Variants in RAPGEF6 observed in about 807,000 individuals in gnomAD.
RAPGEF6 encodes the protein Rap guanine nucleotide exchange factor 6, also known as PDZ domain containing guanine nucleotide exchange factor (GEF) 2.
In RAPGEF6, 56 loss-of-function variants were observed where a neutral mutation model predicts 171.4. The observed-to-expected ratio is 0.33, with a 90% CI of 0.26 to 0.41. The LOEUF is 0.41. Ranked by LOEUF, RAPGEF6 falls within the 10% of genes least tolerant of loss-of-function variation. The pLI is 1.00. For synonymous variants in RAPGEF6, 692 were observed against 650.1 expected (o/e 1.06, Z -0.98); for missense variants, 1,674 against 1,921.4 (o/e 0.87, Z 2.41).
intron 4 of RAPGEF6, among the ~76,000 whole-genome samples, chr5:131,564,184 G>A (rs1211468424): frequency 6.6e-6 from 1 of 152,172 alleles, no homozygotes; most frequent in Non-Finnish European, 1.5e-5. Flanking sequence ...AAGATACTTA[G>A]AATTTGCAAG....
chr5:131,580,523 G>A (rs758535194), intron 4 of RAPGEF6, among the ~76,000 whole-genome samples: 1 of 152,214 alleles, frequency 6.6e-6, no homozygotes, highest in Non-Finnish European at 1.5e-5. Flanking sequence ...AGCGTGGCCA[G>A]AGCAGATGCC....
chr5:131,578,842 T>A (rs1187116046), intron 4 of RAPGEF6, among the ~76,000 whole-genome samples: 1 of 152,214 alleles, frequency 6.6e-6, no homozygotes, highest in East Asian at 1.9e-4. Flanking sequence ...CTACTCTGCA[T>A]CTCACTCAAT....
At chr5:131,625,659 C>T (rs1413916716) in intron 1 of RAPGEF6, among the ~76,000 whole-genome samples, 1 of 151,882 alleles carries the variant, frequency 6.6e-6, no homozygotes, top group Non-Finnish European at 1.5e-5. Context: ...ACTAAAAATA[C>T]AAAAAAATTA....
At chr5:131,428,848 T>C (rs536208063) in intron 27 of RAPGEF6, 54 bp downstream of exon 27, 1 of 1,494,060 alleles carries the variant, frequency 6.7e-7, no homozygotes, top group Non-Finnish European at 9.2e-7. Context: ...GTAAAGACCA[T>C]TTAATGTGTT....
chr5:131,603,254 A>C lies in RAPGEF6; in HGVS notation c.197+17T>G. The C allele has an allele frequency of 6.4e-7, 1 of 1,557,130 alleles. No homozygotes were observed. Among genetic ancestry groups the C allele is most frequent in the Non-Finnish European group, 8.8e-7 (1 of 1,140,856 alleles). ...ACATAAAAGTCATTAGTTTATGTGAATTATGGAAATACTTACCAAAAGAGA... is the reference window on the plus strand; with the variant it reads ...ACATAAAAGTCATTAGTTTATGTGACTTATGGAAATACTTACCAAAAGAGA... On this transcript the variant is annotated intron_variant, in intron 3 of 27. Coordinates refer to ENST00000509018, the MANE Select transcript of RAPGEF6 (RefSeq NM_016340.6).
chr5:131,565,080 A>C (rs1761849674), intron 4 of RAPGEF6, among the ~76,000 whole-genome samples: 1 of 152,146 alleles, frequency 6.6e-6, no homozygotes, highest in Non-Finnish European at 1.5e-5. Context: ...CACTAATATA[A>C]ACTCTCAACT....
intron 1 of RAPGEF6, among the ~76,000 whole-genome samples, chr5:131,609,731 A>G (rs560740878): frequency 6.6e-6 from 1 of 152,372 alleles, no homozygotes; most frequent in South Asian, 2.1e-4. Flanking sequence ...GATAACAAGT[A>G]GACTATATAT....
intron 3 of RAPGEF6, among the ~76,000 whole-genome samples, chr5:131,596,015 G>A (rs2150007205): frequency 6.6e-6 from 1 of 152,118 alleles, no homozygotes; most frequent in Non-Finnish European, 1.5e-5. Flanking sequence ...TTAGCTGGGT[G>A]TGGTGGTACG....
chr5:131,492,958 ATATGAT>A (rs1264525757), intron 13 of RAPGEF6, among the ~76,000 whole-genome samples, 173 bp from the exon 14 acceptor site: 6 of 152,218 alleles, frequency 3.9e-5, no homozygotes, highest in African/African-American at 7.2e-5. Context: ...AGATTTCTAA[ATATGAT>A]TATAAGACTT....
rs1173535177 is a variant in RAPGEF6 at position 131,431,142 on chromosome 5, G to T, written c.4182C>A (p.Thr1394=). ...CTTCAGCAATGGGGTCATCCAAATGGGTATGTCTGTAAGAGTTCAAAAAAT... is the reference window on the plus strand; with the variant it reads ...CTTCAGCAATGGGGTCATCCAAATGTGTATGTCTGTAAGAGTTCAAAAAAT... ...SWDFLNSYRH[T]HLDDPIAEVE... The change falls in exon 26 of 28, where the codon ACC becomes ACA. Residue 1394 remains threonine, a synonymous_variant. Transcript: ENST00000509018. 1 of 1,614,164 alleles carries T rather than the reference G, an allele frequency of 6.2e-7. No individual in the cohort carries two copies. The highest frequency in any genetic ancestry group is 8.5e-7 in the Non-Finnish European group (1 of 1,180,030).
intron 4 of RAPGEF6, among the ~76,000 whole-genome samples, chr5:131,587,331 T>C (rs1028635060): frequency 6.6e-6 from 1 of 152,146 alleles, no homozygotes; most frequent in African/African-American, 2.4e-5. Flanking sequence ...TCAACTAAGG[T>C]ATACATATCC....
intron 21 of RAPGEF6, chr5:131,447,032 C>T (rs568025818): frequency 6.8e-4 from 159 of 233,266 alleles, no homozygotes; most frequent in Non-Finnish European, 1.1e-3. Context: ...GCCACCCACG[C>T]TTTGAAGATA....
At chr5:131,602,763 A>AAAAT (rs1012598404) in intron 3 of RAPGEF6, among the ~76,000 whole-genome samples, 1 of 152,190 alleles carries the variant, frequency 6.6e-6, no homozygotes, top group Non-Finnish European at 1.5e-5. Context: ...CTCCATCTCA[A>AAAAT]AAACAAACAA....
At chr5:131,448,083 A>G (rs999971747) in intron 21 of RAPGEF6, among the ~76,000 whole-genome samples, 3 of 152,220 alleles carry the variant, frequency 2.0e-5, no homozygotes, top group Admixed American at 6.5e-5. Flanking sequence ...TTCCAAAGCT[A>G]GCCTGAGAGC....
chr5:131,559,541 G>C (rs1377278466), intron 5 of RAPGEF6, among the ~76,000 whole-genome samples: 1 of 151,668 alleles, frequency 6.6e-6, no homozygotes, highest in East Asian at 1.9e-4. Context: ...AGTATACTTT[G>C]GGCCAGGCAT....
intron 1 of RAPGEF6, among the ~76,000 whole-genome samples, chr5:131,615,951 C>A (rs1478171982): frequency 6.6e-6 from 1 of 151,962 alleles, no homozygotes; most frequent in Non-Finnish European, 1.5e-5. Context: ...AAACTATCCA[C>A]CTGGCATATC....
At chr5:131,606,763 C>T (rs1580666309) in intron 1 of RAPGEF6, among the ~76,000 whole-genome samples, 1 of 152,292 alleles carries the variant, frequency 6.6e-6, no homozygotes, top group East Asian at 1.9e-4. Context: ...AAGATTCAAG[C>T]ACCCTGAGAC....
chr5:131,476,996 G>C (rs1391247550), intron 16 of RAPGEF6, among the ~76,000 whole-genome samples: 1 of 152,040 alleles, frequency 6.6e-6, no homozygotes, highest in African/African-American at 2.4e-5. Context: ...TGTATATCCT[G>C]GATCAATATC....
intron 1 of RAPGEF6, among the ~76,000 whole-genome samples, chr5:131,622,940 C>T (rs773939516): frequency 6.6e-6 from 1 of 152,166 alleles, no homozygotes; most frequent in Non-Finnish European, 1.5e-5. Flanking sequence ...TGCAAGTGTA[C>T]ATTTGAAGAC....
Sources: allele counts gnomAD v4.1 joint callset (sites outside exome capture counted in the v4.1 genomes callset), GRCh38; gene constraint gnomAD v4.1.1; transcripts MANE v1.5; gene names NCBI Gene and HGNC (gene_info 2026-07-23, HGNC 2026-07-21).